Variants in FAM118B observed in about 807,000 individuals in gnomAD.
The protein encoded by FAM118B is SIR2 antiphage like 1, also known as protein FAM118B.
FAM118B carries 24 observed loss-of-function variants against 38.5 expected under a neutral mutation model. The ratio of observed to expected loss-of-function variants is 0.62; its 90% CI spans 0.45 to 0.88. The LOEUF (loss-of-function observed/expected upper bound fraction) is 0.88, where lower values mean the gene tolerates loss of function less well. Ranked by LOEUF, FAM118B falls within the 40% of genes least tolerant of loss-of-function variation. The pLI, the probability that FAM118B is intolerant of heterozygous loss-of-function variation, is 0.00. For missense variants in FAM118B, 334 were observed against 420.0 expected (o/e 0.80, Z 1.79); for synonymous variants, 138 against 156.3 (o/e 0.88, Z 0.87).
rs1053480186 is a variant in FAM118B, at chr11:126,252,211, T to A, written c.567+1478T>A. Among the ~76,000 whole-genome samples, 1 of 152,092 alleles carries A rather than the reference T, an allele frequency of 6.6e-6. No homozygotes were observed. The highest frequency in any genetic ancestry group is 2.4e-5 in the African/African-American group (1 of 41,402). ...CATGTTGGCCAGGCTGGTCTCGAAC[T>A]CCTGACCTCAGGTGATCTGCCCACC... is the stretch of plus-strand genomic sequence containing the variant. On this transcript the variant is annotated intron_variant, in intron 5 of 8. Transcript: ENST00000533050. This position sits in a 1 kb window ranked among gnomAD's most constrained non-coding sequence, Gnocchi z 4.7.
rs776044059 is a variant in FAM118B at position 126,256,543 on chromosome 11, A to G, written c.697-24A>G. 28 of 1,608,674 alleles carry G rather than the reference A, an allele frequency of 1.7e-5. No homozygotes were observed. The highest frequency in any genetic ancestry group is 1.5e-4 in the African/African-American group (11 of 74,566). On this transcript the variant is annotated intron_variant, in intron 6 of 8. Transcript: ENST00000533050. The surrounding 1 kb of genome is among the most constrained non-coding windows in gnomAD (Gnocchi z 6.6). ...CCTTGAGTGTGTCTTCACAATGTCA[A>G]TATGTTGTATCTTTTCCTTCCAGAG...
chr11:126,256,636 A>G lies in FAM118B; in HGVS notation c.766A>G (p.Thr256Ala), dbSNP rs1202198361. 6.2e-7 allele frequency: 1 copy of G among 1,614,030 alleles called. No homozygotes were observed. Among genetic ancestry groups the G allele is most frequent in the Non-Finnish European group, 8.5e-7 (1 of 1,179,990 alleles). ...FLGCGWTVDD[T>A]TFQALFLEAV... ...GGGCTGTGGCTGGACTGTGGATGAC[A>G]CCACTTTCCAGGCCCTTTTCTTGGA... The change falls in exon 7 of 9, where the codon ACC becomes GCC. Residue 256 changes from threonine (T) to alanine (A), a missense_variant. Around this residue, in one of 3 missense-constraint regions of FAM118B, gnomAD observed 6 missense variants for 26.1 expected, o/e 0.23. Transcript: ENST00000533050. This position sits in a 1 kb window ranked among gnomAD's most constrained non-coding sequence, Gnocchi z 6.6.
chr11:126,245,952 C>T (rs1004125223), intron 4 of FAM118B, among the ~76,000 whole-genome samples: 7 of 147,888 alleles, frequency 4.7e-5, no homozygotes, highest in Non-Finnish European at 1.0e-4. Context: ...GCCGAGATAG[C>T]GCCATTGCAC....
chr11:126,239,782 G>A (rs1031663322), intron 3 of FAM118B, among the ~76,000 whole-genome samples: 2 of 152,144 alleles, frequency 1.3e-5, no homozygotes, highest in African/African-American at 4.8e-5. Flanking sequence ...CCAAAGTGCT[G>A]GGATTACAGG....
At chr11:126,219,830 C>T (rs887465410) in intron 1 of FAM118B, among the ~76,000 whole-genome samples, 18 of 146,364 alleles carry the variant, frequency 1.2e-4, no homozygotes, top group African/African-American at 4.3e-4. Flanking sequence ...AGAAAACATG[C>T]ACTACTGTAC....
chr11:126,235,337 C>A (rs75248962), intron 3 of FAM118B, among the ~76,000 whole-genome samples: 4,579 of 152,220 alleles, frequency 0.03, 233 homozygotes, highest in African/African-American at 0.1. Flanking sequence ...TTACCTGTTT[C>A]TTCTAATGTT....
In FAM118B at chr11:126,260,158, G is replaced by A. The variant is rs111554736; in HGVS notation, c.983-1267G>A. 6.6e-5 allele frequency among the ~76,000 whole-genome samples: 10 copies of A among 151,736 alleles called. No homozygotes were observed. The South Asian group carries it at 8.3e-4, about 13-fold the overall frequency. Reference sequence around the variant, plus strand: ...GGCGATCCTCCCACCTCAGCCTCCCGAGTAGCTGAGACTAAAGGCACATAC... The same window carrying A: ...GGCGATCCTCCCACCTCAGCCTCCCAAGTAGCTGAGACTAAAGGCACATAC... On this transcript the variant is annotated intron_variant, in intron 7 of 8. Coordinates refer to ENST00000533050, the MANE Select transcript of FAM118B (RefSeq NM_024556.4).
intron 4 of FAM118B, among the ~76,000 whole-genome samples, chr11:126,247,510 G>T (rs1356915352): frequency 1.3e-5 from 2 of 152,002 alleles, no homozygotes; most frequent in Non-Finnish European, 2.9e-5. Flanking sequence ...ATGATTATGT[G>T]ATTGTATACC....
intron 4 of FAM118B, among the ~76,000 whole-genome samples, chr11:126,247,998 A>G (rs905491251): frequency 1.4e-5 from 2 of 139,134 alleles, no homozygotes; most frequent in African/African-American, 5.3e-5. Flanking sequence ...GTATATATAT[A>G]TACAAGGCGT....
intron 1 of FAM118B, among the ~76,000 whole-genome samples, chr11:126,219,151 A>G (rs1950023988): frequency 6.6e-6 from 1 of 152,184 alleles, no homozygotes; most frequent in Non-Finnish European, 1.5e-5. Context: ...TATACCTTGA[A>G]AAAAGAAAAA....
chr11:126,241,119 G>T, intron 4 of FAM118B, 75 bp downstream of exon 4: 2 of 1,424,812 alleles, frequency 1.4e-6, no homozygotes, highest in Non-Finnish European at 1.9e-6. Flanking sequence ...TGATTTGGCT[G>T]TCAAAACTAG....
rs143557308 is a variant in FAM118B, at chr11:126,257,526, A to T, written c.982+674A>T. 7.7e-3 allele frequency among the ~76,000 whole-genome samples: 1,172 copies of T among 152,308 alleles called. 13 individuals carry two copies. Among genetic ancestry groups the T allele is most frequent in the African/African-American group, 0.027 (1,103 of 41,568 alleles). On this transcript the variant is annotated intron_variant, in intron 7 of 8. Transcript: ENST00000533050. ...AAGTGTTTTCATTGCCATAAAAAAA[A>T]AAGTTAGAGACATATGAGTAAAGGA... is the stretch of plus-strand genomic sequence containing the variant.
At chr11:126,251,133 A>G (rs1166795109) in intron 5 of FAM118B, among the ~76,000 whole-genome samples, 1 of 152,210 alleles carries the variant, frequency 6.6e-6, no homozygotes, top group Non-Finnish European at 1.5e-5. Flanking sequence ...TGGAAGAACA[A>G]CTTCCAGGCC....
intron 1 of FAM118B, among the ~76,000 whole-genome samples, chr11:126,224,541 A>T (rs1363064464): frequency 6.6e-6 from 1 of 150,444 alleles, no homozygotes; most frequent in Admixed American, 6.7e-5. Context: ...GGTATGTTAG[A>T]GGGTGCTGTG....
chr11:126,216,956 A>T (rs1471453452), intron 1 of FAM118B, among the ~76,000 whole-genome samples: 1 of 152,252 alleles, frequency 6.6e-6, no homozygotes, highest in Non-Finnish European at 1.5e-5. Flanking sequence ...GGCACAAGGC[A>T]GGCGCCAGCC....
chr11:126,246,157 A>G (rs1056946902), intron 4 of FAM118B, among the ~76,000 whole-genome samples: 3 of 152,240 alleles, frequency 2.0e-5, no homozygotes, highest in Admixed American at 6.5e-5. Context: ...AAACACTAAT[A>G]TTAAGACATT....
intron 1 of FAM118B, among the ~76,000 whole-genome samples, chr11:126,215,306 G>C (rs1480525336): frequency 1.3e-5 from 2 of 152,192 alleles, no homozygotes; most frequent in African/African-American, 4.8e-5. Context: ...TTGATACTAA[G>C]AAACTGGATT....
At chr11:126,258,362 G>A (rs1412106172) in intron 7 of FAM118B, among the ~76,000 whole-genome samples, 2 of 152,152 alleles carry the variant, frequency 1.3e-5, no homozygotes, top group African/African-American at 4.8e-5. Flanking sequence ...CCTACAGTCT[G>A]AGCAATAAAG....
At position 126,250,896 on chromosome 11, in the gene FAM118B, C is replaced by G. The variant is rs975734914; in HGVS notation, c.567+163C>G. Among the ~76,000 whole-genome samples, 5 of 152,114 alleles carry G rather than the reference C, an allele frequency of 3.3e-5. No individual in the cohort carries two copies. The highest frequency in any genetic ancestry group is 2.6e-4 in the Admixed American group (4 of 15,270). Reference sequence around the variant, plus strand: ...TTCTTTTTTCTTTCTTTTTAAAGATCAAATCAATATACAGTAAAATGCATA... The same window carrying G: ...TTCTTTTTTCTTTCTTTTTAAAGATGAAATCAATATACAGTAAAATGCATA... On this transcript the variant is annotated intron_variant, in intron 5 of 8. Transcript: ENST00000533050. This position sits in a 1 kb window ranked among gnomAD's most constrained non-coding sequence, Gnocchi z 5.1.
Sources: allele counts gnomAD v4.1 joint callset (sites outside exome capture counted in the v4.1 genomes callset), GRCh38; gene constraint gnomAD v4.1.1; regional missense constraint gnomAD v4.1.1; non-coding constraint Gnocchi (gnomAD v3.1); transcripts MANE v1.5; gene names NCBI Gene and HGNC (gene_info 2026-07-23, HGNC 2026-07-21).